Variants in SYN3 observed in about 807,000 individuals in gnomAD.
The protein encoded by SYN3 is synapsin III.
A neutral mutation model predicts 65.8 loss-of-function variants in SYN3; 35 were observed. The ratio of observed to expected loss-of-function variants is 0.53; its 90% CI spans 0.41 to 0.70. The LOEUF (loss-of-function observed/expected upper bound fraction) is 0.70, where lower values mean the gene tolerates loss of function less well. SYN3 is among the 30% of genes least tolerant of loss of function. The pLI is 0.00. For missense variants in SYN3, 680 were observed against 749.0 expected (o/e 0.91, Z 1.08); for synonymous variants, 270 against 292.9 (o/e 0.92, Z 0.80).
chr22:32,647,000 A>G (rs755741900), intron 6 of SYN3, among the ~76,000 whole-genome samples: 1 of 152,204 alleles, frequency 6.6e-6, no homozygotes, highest in Non-Finnish European at 1.5e-5. Flanking sequence ...GTTGCTGGGA[A>G]CCAAGTGAAA....
At chr22:32,584,557 T>C (rs1339504675) in intron 7 of SYN3, among the ~76,000 whole-genome samples, 2 of 152,206 alleles carry the variant, frequency 1.3e-5, no homozygotes, top group Non-Finnish European at 2.9e-5. Context: ...TGCTTTTCAA[T>C]GTCTGTCAGT....
chr22:32,523,255 G>A (rs1164163691), intron 12 of SYN3, among the ~76,000 whole-genome samples: 1 of 152,228 alleles, frequency 6.6e-6, no homozygotes, highest in Non-Finnish European at 1.5e-5. Context: ...GCTCATGCCT[G>A]TAATCCCAGC....
intron 12 of SYN3, among the ~76,000 whole-genome samples, chr22:32,521,615 T>A (rs1780146788): frequency 6.6e-6 from 1 of 151,670 alleles, no homozygotes; most frequent in African/African-American, 2.4e-5. Context: ...CCCAGCTAAT[T>A]TTTTGTATTT....
intron 1 of SYN3, among the ~76,000 whole-genome samples, chr22:33,051,629 A>T (rs547562411): frequency 6.6e-6 from 1 of 152,298 alleles, no homozygotes; most frequent in Admixed American, 6.5e-5. Flanking sequence ...CACCCCTAAG[A>T]GCCCCAGCCT....
rs531571255 is a variant in SYN3 at position 32,707,317 on chromosome 22, G to A, written c.712-110581C>T. Among the ~76,000 whole-genome samples, 21 of 152,272 alleles carry A rather than the reference G, an allele frequency of 1.4e-4. 1 individual carries two copies. In the South Asian group the frequency reaches 4.1e-3, roughly 30 times the overall value. ...CAAATAATAAGGGACTCATGTTAGT[G>A]TAAGTCAGAAAAACCCCAGGCCATA... On this transcript the variant is annotated intron_variant, in intron 6 of 13. Coordinates refer to ENST00000358763, the MANE Select transcript of SYN3 (RefSeq NM_003490.4).
At chr22:32,840,200 T>A (rs946239900) in intron 6 of SYN3, among the ~76,000 whole-genome samples, 24 of 152,164 alleles carry the variant, frequency 1.6e-4, no homozygotes, top group Admixed American at 1.6e-3. Context: ...TGTCTTTGGG[T>A]TTATTTTTAG....
chr22:33,025,504 G>A (rs1439715523), intron 1 of SYN3, among the ~76,000 whole-genome samples: 3 of 150,890 alleles, frequency 2.0e-5, no homozygotes, highest in Admixed American at 2.0e-4. Flanking sequence ...CATGGTGGCA[G>A]GTGCCTGTAA....
intron 6 of SYN3, among the ~76,000 whole-genome samples, chr22:32,782,072 A>G (rs531564634): frequency 7.6e-6 from 1 of 132,432 alleles, no homozygotes; most frequent in African/African-American, 2.6e-5. Context: ...CAGGCTCTGT[A>G]ATTTTTTTTT....
intron 3 of SYN3, among the ~76,000 whole-genome samples, chr22:32,954,388 A>G (rs2051383047): frequency 1.3e-5 from 2 of 151,790 alleles, no homozygotes; most frequent in South Asian, 2.1e-4. Context: ...GCTAACTGCA[A>G]TGAATTTTTG....
intron 7 of SYN3, among the ~76,000 whole-genome samples, chr22:32,561,012 C>T (rs894569237): frequency 6.6e-6 from 1 of 152,124 alleles, no homozygotes; most frequent in African/African-American, 2.4e-5. Flanking sequence ...ATTTTGAAGG[C>T]GGATCCCGGC....
chr22:33,028,825 G>T (rs1401946501), intron 1 of SYN3, among the ~76,000 whole-genome samples: 1 of 152,092 alleles, frequency 6.6e-6, no homozygotes, highest in South Asian at 2.1e-4. Context: ...TGGATCACGA[G>T]GTCAGGAGAT....
intron 6 of SYN3, among the ~76,000 whole-genome samples, chr22:32,737,317 CT>C (rs559615174): frequency 8.7e-5 from 13 of 149,444 alleles, no homozygotes; most frequent in East Asian, 2.0e-4. Context: ...CTTTTCTTTT[CT>C]TTTTTTTTTA....
At chr22:32,875,613 T>A (rs978459011) in intron 4 of SYN3, among the ~76,000 whole-genome samples, 1 of 152,144 alleles carries the variant, frequency 6.6e-6, no homozygotes, top group Non-Finnish European at 1.5e-5. Flanking sequence ...CCTAACCCAA[T>A]GACTGATGTC....
chr22:32,869,178 G>A, intron 4 of SYN3, 53 bp from the exon 5 acceptor site: 2 of 1,581,728 alleles, frequency 1.3e-6, no homozygotes, highest in Non-Finnish European at 1.7e-6. Flanking sequence ...GAAACACCAG[G>A]GCATCCGGCC....
chr22:32,847,425 A>C (rs1331175144), intron 6 of SYN3, among the ~76,000 whole-genome samples: 3 of 152,168 alleles, frequency 2.0e-5, no homozygotes, highest in Non-Finnish European at 4.4e-5. Context: ...GCCTCCGCTA[A>C]ATTGCTCACT....
chr22:32,609,308 T>C (rs1013015176), intron 6 of SYN3, among the ~76,000 whole-genome samples: 1 of 151,496 alleles, frequency 6.6e-6, no homozygotes. Flanking sequence ...GGCGACAGAG[T>C]GAGACTCTGT....
chr22:32,964,510 G>A (rs901861687), intron 3 of SYN3, among the ~76,000 whole-genome samples: 9 of 151,990 alleles, frequency 5.9e-5, no homozygotes, highest in Admixed American at 4.6e-4. Context: ...GCTTTAGGCT[G>A]TAAGAAGCAG....
intron 4 of SYN3, among the ~76,000 whole-genome samples, chr22:32,897,531 G>A (rs914344573): frequency 1.3e-5 from 2 of 152,200 alleles, no homozygotes; most frequent in Admixed American, 6.5e-5. Flanking sequence ...GAAGGCAGCC[G>A]TGGAGTCAGA....
At chr22:32,758,610 T>C (rs1194735123) in intron 6 of SYN3, among the ~76,000 whole-genome samples, 1 of 143,334 alleles carries the variant, frequency 7.0e-6, no homozygotes, top group Non-Finnish European at 1.5e-5. Context: ...CTGGCTCTCC[T>C]TGCTCCTCAA....
Sources: gnomAD v4.1 joint callset for allele counts (sites outside exome capture counted in the v4.1 genomes callset) on GRCh38, gnomAD v4.1.1 for gene constraint, MANE v1.5 for transcripts, NCBI Gene and HGNC (gene_info 2026-07-23, HGNC 2026-07-21) for gene names.